Variants in AVL9 observed in about 807,000 individuals in gnomAD.
AVL9 encodes the protein AVL9 cell migration associated.
A neutral mutation model predicts 79.2 loss-of-function variants in AVL9; 49 were observed. That is an observed-to-expected ratio of 0.62 (90% confidence interval 0.49 to 0.79). The LOEUF is 0.79. AVL9 is among the 30% of genes least tolerant of loss of function. The pLI is 0.00. For missense variants in AVL9, 682 were observed against 776.8 expected (o/e 0.88, Z 1.45); for synonymous variants, 299 against 280.6 (o/e 1.07, Z -0.65).
Position 32,546,988 on chromosome 7 carries a change from C to G in AVL9, c.301-1859C>G, listed in dbSNP as rs541234512. Among the ~76,000 whole-genome samples, 92 of 152,224 alleles carry G rather than the reference C, an allele frequency of 6.0e-4. 1 individual carries two copies. Among genetic ancestry groups the G allele is most frequent in the African/African-American group, 2.0e-3 (84 of 41,530 alleles). On this transcript the variant is annotated intron_variant, in intron 3 of 15. Transcript: ENST00000318709. ...AGAAGAGAGTTGCTGGGAGGAAAAGCAGATTTATTTGGAAAGCCAGCTAGA... is the reference window on the plus strand; with the variant it reads ...AGAAGAGAGTTGCTGGGAGGAAAAGGAGATTTATTTGGAAAGCCAGCTAGA...
chr7:32,584,107 G>T lies in AVL9; in HGVS notation c.*200G>T. On this transcript the variant is annotated 3_prime_UTR_variant, in exon 16 of 16. Transcript: ENST00000318709. ...ATAGCAGGGATGGCTTTCCAGGTTG[G>T]GGTTTCAATTGACTACTTTTATTTC... 1.6e-6 allele frequency: 1 copy of T among 618,884 alleles called. No homozygotes were observed. The highest frequency in any genetic ancestry group is 3.0e-6 in the Non-Finnish European group (1 of 335,394). The allele number at this position is 618,884 out of a possible 1,614,324, so 38.3% of individuals were successfully genotyped here. A position where few individuals can be genotyped will look rare whatever the true frequency, so the allele number is the denominator to read the frequency against.
rs1052104826 is a variant in AVL9 at position 32,584,113 on chromosome 7, C to T, written c.*206C>T. 4.4e-4 allele frequency: 265 copies of T among 608,576 alleles called. 2 individuals are homozygous for T. The highest frequency in any genetic ancestry group is 1.2e-3 in the South Asian group (65 of 53,158). 37.7% of individuals were successfully genotyped at this position (608,576 alleles called of 1,614,324 possible). A position where few individuals can be genotyped will look rare whatever the true frequency, so the allele number is the denominator to read the frequency against. On this transcript the variant is annotated 3_prime_UTR_variant, in exon 16 of 16. Coordinates refer to ENST00000318709, the MANE Select transcript of AVL9 (RefSeq NM_015060.3). ...GGGATGGCTTTCCAGGTTGGGGTTT[C>T]AATTGACTACTTTTATTTCAGTCTG... is the stretch of plus-strand genomic sequence containing the variant.
rs562640253 is a variant in AVL9, at chr7:32,507,375, G to C, written c.93+11573G>C. 2.6e-5 allele frequency among the ~76,000 whole-genome samples: 4 copies of C among 152,238 alleles called. No homozygotes were observed. The South Asian group carries it at 8.3e-4, about 32-fold the overall frequency. On this transcript the variant is annotated intron_variant, in intron 1 of 15. Transcript: ENST00000318709. The stretch of plus-strand genomic sequence containing the variant: ...TCACAAGTCTAGAAATATTAATATT[G>C]ACAGCACCCCAGAAGCGACTCTTGT...
intron 1 of AVL9, chr7:32,532,756 C>G: frequency 6.6e-6 from 1 of 152,178 alleles, no homozygotes; most frequent in East Asian, 1.9e-4. Context: ...AAACAAACTT[C>G]TTGATGGGCT....
At chr7:32,517,058 T>C (rs1181003564) in intron 1 of AVL9, among the ~76,000 whole-genome samples, 1 of 152,154 alleles carries the variant, frequency 6.6e-6, no homozygotes, top group Admixed American at 6.5e-5. Flanking sequence ...ACCATTTCGT[T>C]TTTGTTATTG....
rs549225907 is a variant in AVL9 at position 32,567,905 on chromosome 7, A to C, written c.1216-2115A>C. ...CAGCTCATTTTTATATTTTTAGTAG[A>C]GACAGGGTTTCACCATGTTGGTCAG... On this transcript the variant is annotated intron_variant, in intron 10 of 15. Transcript: ENST00000318709. Among the ~76,000 whole-genome samples, 119 of 152,014 alleles carry C rather than the reference A, an allele frequency of 7.8e-4. 3 individuals carry two copies. In the South Asian group the frequency reaches 0.024, roughly 30 times the overall value.
At position 32,555,179 on chromosome 7, in the gene AVL9, C is replaced by T. The variant is rs563383705; in HGVS notation, c.609+583C>T. The stretch of plus-strand genomic sequence containing the variant: ...CATGGTGAAAGAAACCCCATCTCTA[C>T]AAAAAATACAAAAATTAGCTGGGTG... On this transcript the variant is annotated intron_variant, in intron 8 of 15. Coordinates refer to ENST00000318709, the MANE Select transcript of AVL9 (RefSeq NM_015060.3). Among the ~76,000 whole-genome samples, 6 of 152,106 alleles carry T rather than the reference C, an allele frequency of 3.9e-5. No individual in the cohort carries two copies. In the South Asian group the frequency reaches 8.3e-4, roughly 21 times the overall value.
intron 10 of AVL9, among the ~76,000 whole-genome samples, chr7:32,568,202 T>TTTA (rs1318760131): frequency 7.6e-6 from 1 of 130,910 alleles, no homozygotes; most frequent in African/African-American, 3.4e-5. Context: ...CTTTTATTTA[T>TTTA]TTATTTTTTT....
chr7:32,566,798 G>A (rs1287847101), intron 10 of AVL9, among the ~76,000 whole-genome samples: 1 of 152,164 alleles, frequency 6.6e-6, no homozygotes, highest in African/African-American at 2.4e-5. Context: ...CAGGAGAGTG[G>A]CATGAACCCG....
intron 1 of AVL9, among the ~76,000 whole-genome samples, chr7:32,524,746 C>T (rs974494720): frequency 6.6e-6 from 1 of 152,152 alleles, no homozygotes; most frequent in African/African-American, 2.4e-5. Flanking sequence ...GACAAATCCT[C>T]CACTTCATAG....
At chr7:32,557,083 C>T (rs538822429) in intron 8 of AVL9, among the ~76,000 whole-genome samples, 16 of 152,178 alleles carry the variant, frequency 1.1e-4, no homozygotes, top group Non-Finnish European at 1.9e-4. Context: ...CCTACATAAT[C>T]GGAATACCAT....
At chr7:32,518,319 A>C (rs539299873) in intron 1 of AVL9, among the ~76,000 whole-genome samples, 26 of 152,352 alleles carry the variant, frequency 1.7e-4, no homozygotes, top group Non-Finnish European at 3.5e-4. Flanking sequence ...TGCAGTTTTC[A>C]TAAATAGGTA....
chr7:32,577,001 G>C (rs1289212561), intron 13 of AVL9, among the ~76,000 whole-genome samples: 1 of 152,130 alleles, frequency 6.6e-6, no homozygotes, highest in African/African-American at 2.4e-5. Flanking sequence ...CATTGAAGGA[G>C]ATCAGTTGAT....
chr7:32,503,560 G>GAGAA (rs1787271815), intron 1 of AVL9, among the ~76,000 whole-genome samples: 1 of 123,884 alleles, frequency 8.1e-6, no homozygotes, highest in African/African-American at 3.1e-5. Flanking sequence ...CGTCTCAAGG[G>GAGAA]AAAAAAAAAA....
chr7:32,525,998 G>A (rs1374502204), intron 1 of AVL9, among the ~76,000 whole-genome samples: 2 of 152,100 alleles, frequency 1.3e-5, no homozygotes, highest in Non-Finnish European at 2.9e-5. Context: ...GGAACCCTCA[G>A]CAAATTGAGA....
chr7:32,544,645 A>C, intron 2 of AVL9, 49 bp from the exon 3 acceptor site: 1 of 1,276,730 alleles, frequency 7.8e-7, no homozygotes, highest in Non-Finnish European at 1.1e-6. Flanking sequence ...ACTACTTATT[A>C]ATAAGGGTAA....
intron 15 of AVL9, chr7:32,581,531 T>C (rs554389007): frequency 6.6e-6 from 1 of 152,334 alleles, no homozygotes; most frequent in Non-Finnish European, 1.5e-5. Context: ...AATAGCCCTA[T>C]TATCTATTAA....
intron 3 of AVL9, among the ~76,000 whole-genome samples, chr7:32,548,144 C>CTCTCTTTTTTTTTTTTTTTTTTTTTTT (rs1227025763): frequency 1.7e-5 from 1 of 57,596 alleles, no homozygotes; most frequent in African/African-American, 5.4e-5. Context: ...TTTGTCATCT[C>CTCTCTTTTTTTTTTTTTTTTTTTTTTT]TTTTTTCTTT....
chr7:32,542,640 C>A (rs9791770), intron 1 of AVL9, among the ~76,000 whole-genome samples: 49,912 of 152,014 alleles, frequency 0.33, 8,774 homozygotes, highest in East Asian at 0.48. Context: ...AGCCCTTTTA[C>A]CGTTGGCTTT....
Sources: allele counts gnomAD v4.1 joint callset (sites outside exome capture counted in the v4.1 genomes callset), GRCh38; gene constraint gnomAD v4.1.1; transcripts MANE v1.5; gene names NCBI Gene and HGNC (gene_info 2026-07-23, HGNC 2026-07-21).